The following ANKRD36 variants were observed in gnomAD, a reference collection of about 807,000 sequenced individuals.
The protein encoded by ANKRD36 is ankyrin repeat domain 36.
A neutral mutation model predicts 278.1 loss-of-function variants in ANKRD36; 179 were observed. The observed-to-expected ratio is 0.64, with a 90% CI of 0.57 to 0.73. The LOEUF (loss-of-function observed/expected upper bound fraction) is 0.73. ANKRD36 is among the 30% of genes least tolerant of loss of function. The pLI is 0.00. For missense variants in ANKRD36, 1,159 were observed against 1,956.7 expected (o/e 0.59, Z 7.69); for synonymous variants, 320 against 641.1 (o/e 0.50, Z 7.57).
intron 6 of ANKRD36, among the ~76,000 whole-genome samples, chr2:97,140,352 G>A (rs1473912780): frequency 6.6e-6 from 1 of 151,792 alleles, no homozygotes; most frequent in Non-Finnish European, 1.5e-5. Context: ...CATTTCTCTG[G>A]AAGGCATAGA....
intron 6 of ANKRD36, 59 bp downstream of exon 6, chr2:97,127,193 A>C (rs1236750032): frequency 7.0e-6 from 5 of 712,100 alleles, no homozygotes; most frequent in Non-Finnish European, 1.1e-5. Context: ...AAAAGAATAA[A>C]GATGTTTTGA....
At chr2:97,215,527 T>C (rs1221450071) in intron 62 of ANKRD36, 30 bp downstream of exon 62, 1 of 1,593,262 alleles carries the variant, frequency 6.3e-7, no homozygotes, top group Admixed American at 1.8e-5. Context: ...TAATGTAATG[T>C]TCGATCAAAT....
chr2:97,136,548 T>C (rs952859826), intron 6 of ANKRD36, among the ~76,000 whole-genome samples: 3 of 151,972 alleles, frequency 2.0e-5, no homozygotes, highest in African/African-American at 7.2e-5. Context: ...TACTGAGCCC[T>C]CAAAATGTGG....
intron 20 of ANKRD36, among the ~76,000 whole-genome samples, chr2:97,164,886 A>G (rs1221779819): frequency 6.6e-6 from 1 of 152,042 alleles, no homozygotes; most frequent in African/African-American, 2.4e-5. Context: ...GCGTTGTTAC[A>G]TTGAGAATCT....
intron 56 of ANKRD36, among the ~76,000 whole-genome samples, chr2:97,211,160 G>A (rs1382108749): frequency 2.6e-5 from 4 of 151,880 alleles, no homozygotes. Context: ...AAATCCTTTT[G>A]ATTTGTTGCA....
intron 20 of ANKRD36, among the ~76,000 whole-genome samples, chr2:97,164,917 C>T (rs1408541252): frequency 1.3e-5 from 2 of 151,844 alleles, no homozygotes; most frequent in Non-Finnish European, 2.9e-5. Context: ...TTCTGATTAC[C>T]GGATTGAGTT....
intron 56 of ANKRD36, 138 bp downstream of exon 56, chr2:97,210,010 T>G (rs2153624702): frequency 7.3e-7 from 1 of 1,371,336 alleles, no homozygotes; most frequent in South Asian, 1.5e-5. Context: ...TTCAAATAAG[T>G]TCTTGTGTGG....
In ANKRD36 at chr2:97,260,357, T is replaced by TATATAC. The variant is rs1265158939; in HGVS notation, c.*7-3967_*7-3966insCATATA. Reference sequence around the variant, plus strand: ...AGTAATATTTTAAAAGATATATATATATATATATATATATATATATATACA... The same window carrying TATATAC: ...AGTAATATTTTAAAAGATATATATATATATACATATATATATATATATATATATACA... On this transcript the variant is annotated intron_variant, in intron 75 of 75. Coordinates refer to ENST00000420699, the MANE Select transcript of ANKRD36 (RefSeq NM_001354587.1). Among the ~76,000 whole-genome samples the TATATAC allele has an allele frequency of 4.1e-5, 5 of 120,958 alleles. 1 individual carries two copies. In the Admixed American group the frequency reaches 4.4e-4, roughly 11 times the overall value. 79.4% of individuals were successfully genotyped at this position (120,958 alleles called of 152,430 possible).
chr2:97,176,090 T>C (rs1361876716), intron 22 of ANKRD36, among the ~76,000 whole-genome samples: 1 of 151,654 alleles, frequency 6.6e-6, no homozygotes, highest in Non-Finnish European at 1.5e-5. Context: ...GCTGAAAAAA[T>C]GTATATTCTG....
chr2:97,206,399 A>C (rs1363704054), intron 52 of ANKRD36, among the ~76,000 whole-genome samples: 2 of 151,454 alleles, frequency 1.3e-5, no homozygotes, highest in Non-Finnish European at 3.0e-5. Flanking sequence ...TCTCTGGGGA[A>C]CAGCATAGTT....
intron 24 of ANKRD36, among the ~76,000 whole-genome samples, 171 bp downstream of exon 24, chr2:97,180,104 G>A (rs1037735550): frequency 1.3e-5 from 2 of 151,448 alleles, no homozygotes; most frequent in Non-Finnish European, 3.0e-5. Context: ...CTGGTCCTTG[G>A]TCATGATCTG....
At chr2:97,210,081 G>A (rs1469813712) in intron 56 of ANKRD36, among the ~76,000 whole-genome samples, 2 of 151,958 alleles carry the variant, frequency 1.3e-5, no homozygotes, top group African/African-American at 4.8e-5. Flanking sequence ...TCCCCACATT[G>A]AAATTGGGAA....
intron 32 of ANKRD36, 110 bp downstream of exon 32, chr2:97,187,511 A>G: frequency 7.2e-7 from 1 of 1,382,914 alleles, no homozygotes; most frequent in East Asian, 2.5e-5. Flanking sequence ...GAAGCTGCAC[A>G]TTCTGATCCA....
intron 22 of ANKRD36, among the ~76,000 whole-genome samples, chr2:97,177,946 T>C (rs2054831047): frequency 6.7e-6 from 1 of 148,736 alleles, no homozygotes; most frequent in Non-Finnish European, 1.5e-5. Flanking sequence ...AGGGCTAATA[T>C]CCAGAATCTA....
At chr2:97,122,263 T>C (rs2037091385) in intron 3 of ANKRD36, among the ~76,000 whole-genome samples, 1 of 143,190 alleles carries the variant, frequency 7.0e-6, no homozygotes, top group African/African-American at 2.5e-5. Context: ...AATGTTAACA[T>C]TCTCCAAAAT....
chr2:97,116,535 A>G (rs1166986667), intron 1 of ANKRD36, among the ~76,000 whole-genome samples: 1 of 151,994 alleles, frequency 6.6e-6, no homozygotes, highest in Non-Finnish European at 1.5e-5. Flanking sequence ...CGGCCTCCCA[A>G]AGTTCTGGGA....
At chr2:97,231,670 T>C (rs1459651578) in intron 67 of ANKRD36, among the ~76,000 whole-genome samples, 1 of 152,094 alleles carries the variant, frequency 6.6e-6, no homozygotes, top group Non-Finnish European at 1.5e-5. Context: ...TGGCACTCTT[T>C]AGTGAGATGA....
chr2:97,118,533 T>C lies in ANKRD36; in HGVS notation c.486+16T>C. ...ATGCAGCAAGGTATAGGTCAACCAATGTTATTTTCAAACTATCTGAAATGC... is the reference window on the plus strand; with the variant it reads ...ATGCAGCAAGGTATAGGTCAACCAACGTTATTTTCAAACTATCTGAAATGC... On this transcript the variant is annotated intron_variant, in intron 3 of 75. Coordinates refer to ENST00000420699, the MANE Select transcript of ANKRD36 (RefSeq NM_001354587.1). 1.3e-6 allele frequency: 2 copies of C among 1,523,104 alleles called. No homozygotes were observed. The highest frequency in any genetic ancestry group is 1.8e-6 in the Non-Finnish European group (2 of 1,132,368). 94.3% of individuals were successfully genotyped at this position (1,523,104 alleles called of 1,614,324 possible).
chr2:97,125,678 T>TCTACTTGTAGGCCTACTTGTAGGC (rs958478355), intron 5 of ANKRD36, among the ~76,000 whole-genome samples: 11 of 151,512 alleles, frequency 7.3e-5, no homozygotes, highest in Admixed American at 1.3e-4. Flanking sequence ...GTAGTAGGTA[T>TCTACTTGTAGGCCTACTTGTAGGC]CAACTTGTGG....
Sources: allele counts gnomAD v4.1 joint callset (sites outside exome capture counted in the v4.1 genomes callset), GRCh38; gene constraint gnomAD v4.1.1; transcripts MANE v1.5; gene names NCBI Gene and HGNC (gene_info 2026-07-23, HGNC 2026-07-21).